The following CSMD3 variants were observed in gnomAD, a reference collection of about 807,000 sequenced individuals.
CSMD3 encodes the protein CUB and Sushi multiple domains 3.
Under a neutral mutation model 435.2 loss-of-function variants are expected in CSMD3, and 177 were observed. The ratio of observed to expected loss-of-function variants is 0.41; its 90% CI spans 0.36 to 0.46. The LOEUF (loss-of-function observed/expected upper bound fraction) is 0.46, where lower values mean the gene tolerates loss of function less well. Ranked by LOEUF, CSMD3 falls within the 20% of genes least tolerant of loss-of-function variation. CSMD3 has a pLI of 0.34. For synonymous variants in CSMD3, 1,656 were observed against 1,520.5 expected, an observed-to-expected ratio of 1.09 and a Z score of -2.07; for missense variants, 4,265 against 4,504.6, an observed-to-expected ratio of 0.95 and a Z score of 1.52.
chr8:112,384,159 T>C (rs1437637394), intron 36 of CSMD3, among the ~76,000 whole-genome samples: 1 of 152,230 alleles, frequency 6.6e-6, no homozygotes, highest in Admixed American at 6.5e-5. Context: ...TTTCCTTGCA[T>C]AAACTTTGCT....
intron 1 of CSMD3, among the ~76,000 whole-genome samples, chr8:113,424,707 G>A (rs2094626201): frequency 6.6e-6 from 1 of 151,458 alleles, no homozygotes; most frequent in Non-Finnish European, 1.5e-5. Flanking sequence ...GTTAATATCA[G>A]TTGGCTGAAC....
At chr8:113,411,361 T>G (rs2094559175) in intron 1 of CSMD3, among the ~76,000 whole-genome samples, 1 of 152,206 alleles carries the variant, frequency 6.6e-6, no homozygotes, top group Non-Finnish European at 1.5e-5. Context: ...GTTACTCCAC[T>G]AAATACTCCA....
At chr8:112,937,221 C>T (rs957777813) in intron 9 of CSMD3, among the ~76,000 whole-genome samples, 2 of 151,966 alleles carry the variant, frequency 1.3e-5, no homozygotes, top group East Asian at 3.9e-4. Flanking sequence ...TATATTTATA[C>T]AACTTGAAAT....
intron 31 of CSMD3, among the ~76,000 whole-genome samples, chr8:112,486,278 C>T (rs1820127207): frequency 6.6e-6 from 1 of 151,908 alleles, no homozygotes; most frequent in Non-Finnish European, 1.5e-5. Flanking sequence ...ATAAAAAGGT[C>T]AATACAAAGT....
At chr8:112,829,538 G>T in intron 12 of CSMD3, 148 bp downstream of exon 12, 1 of 686,008 alleles carries the variant, frequency 1.5e-6, no homozygotes. Flanking sequence ...AGCACTAACA[G>T]ATTCTATGAA....
intron 65 of CSMD3, 108 bp from the exon 66 acceptor site, chr8:112,241,893 T>C: frequency 1.3e-6 from 1 of 799,312 alleles, no homozygotes; most frequent in Admixed American, 1.7e-5. Context: ...CTGTCCATTT[T>C]ATTCTCTGAC....
intron 9 of CSMD3, among the ~76,000 whole-genome samples, chr8:112,946,006 A>C (rs1451187121): frequency 6.6e-6 from 1 of 151,712 alleles, no homozygotes; most frequent in African/African-American, 2.4e-5. Flanking sequence ...ACTTCTGAGT[A>C]ATTTTCTACA....
At chr8:113,075,254 T>C (rs938778684) in intron 5 of CSMD3, among the ~76,000 whole-genome samples, 7 of 151,848 alleles carry the variant, frequency 4.6e-5, no homozygotes, top group Non-Finnish European at 8.8e-5. Context: ...GTGAATCCCA[T>C]ATTGCCAATA....
intron 13 of CSMD3, among the ~76,000 whole-genome samples, chr8:112,727,559 C>A (rs1302493037): frequency 3.3e-5 from 5 of 151,712 alleles, no homozygotes; most frequent in Non-Finnish European, 7.4e-5. Flanking sequence ...GCATAATTTT[C>A]TTTCTCAGTT....
chr8:113,105,919 G>T (rs79866446), intron 4 of CSMD3, among the ~76,000 whole-genome samples: 1 of 151,890 alleles, frequency 6.6e-6, no homozygotes, highest in Non-Finnish European at 1.5e-5. Context: ...TAAACATAAA[G>T]ATGTGACTCA....
At chr8:112,719,129 T>A (rs2076800173) in intron 13 of CSMD3, among the ~76,000 whole-genome samples, 1 of 152,128 alleles carries the variant, frequency 6.6e-6, no homozygotes, top group South Asian at 2.1e-4. Context: ...AAGTAAATGA[T>A]CTAGAAATAT....
intron 9 of CSMD3, among the ~76,000 whole-genome samples, chr8:112,922,656 C>T (rs758741333): frequency 2.0e-5 from 3 of 151,926 alleles, no homozygotes; most frequent in African/African-American, 7.3e-5. Flanking sequence ...TGGCTCAATT[C>T]GCATAACAAT....
intron 32 of CSMD3, among the ~76,000 whole-genome samples, chr8:112,463,962 C>A (rs988198095): frequency 5.9e-5 from 9 of 152,092 alleles, no homozygotes; most frequent in African/African-American, 2.2e-4. Context: ...GCTGGCTGGG[C>A]GAGGTGGCTC....
At chr8:113,382,378 T>C (rs2133109880) in intron 1 of CSMD3, among the ~76,000 whole-genome samples, 1 of 152,274 alleles carries the variant, frequency 6.6e-6, no homozygotes, top group South Asian at 2.1e-4. Context: ...AAGTGATGAG[T>C]CAGTCTTTTT....
At chr8:113,107,445 C>T (rs949626911) in intron 4 of CSMD3, among the ~76,000 whole-genome samples, 15 of 152,178 alleles carry the variant, frequency 9.9e-5, no homozygotes, top group South Asian at 6.2e-4. Context: ...CAGTTTCCGC[C>T]AGGTATTGGT....
intron 35 of CSMD3, among the ~76,000 whole-genome samples, chr8:112,400,262 T>C (rs1411323535): frequency 6.6e-6 from 1 of 152,166 alleles, no homozygotes; most frequent in Non-Finnish European, 1.5e-5. Flanking sequence ...AGACAGCTAT[T>C]TTCTTGCTGT....
chr8:112,324,948 C>T (rs1823353747), intron 45 of CSMD3, among the ~76,000 whole-genome samples: 1 of 152,082 alleles, frequency 6.6e-6, no homozygotes, highest in Admixed American at 6.6e-5. Flanking sequence ...CCCCAAATGA[C>T]TTACGCATTA....
chr8:112,368,182 A>T (rs974672294), intron 38 of CSMD3, among the ~76,000 whole-genome samples: 1 of 152,162 alleles, frequency 6.6e-6, no homozygotes, highest in Non-Finnish European at 1.5e-5. Context: ...CTTATTTGCC[A>T]GAAGGAATTC....
At chr8:113,174,317 A>C (rs1276912407) in intron 3 of CSMD3, among the ~76,000 whole-genome samples, 1 of 152,090 alleles carries the variant, frequency 6.6e-6, no homozygotes, top group Non-Finnish European at 1.5e-5. Context: ...TTAATCTTAA[A>C]CCATGAACCT....
Sources: gnomAD v4.1 joint callset for allele counts (sites outside exome capture counted in the v4.1 genomes callset) on GRCh38, gnomAD v4.1.1 for gene constraint, MANE v1.5 for transcripts, NCBI Gene and HGNC (gene_info 2026-07-23, HGNC 2026-07-21) for gene names.